NRXN3: variants seen among roughly 807,000 people sequenced by gnomAD.
NRXN3 encodes the protein neurexin III.
A neutral mutation model predicts 137.6 loss-of-function variants in NRXN3; 32 were observed. The ratio of observed to expected loss-of-function variants is 0.23; its 90% CI spans 0.18 to 0.31. The LOEUF (loss-of-function observed/expected upper bound fraction) is 0.31, where lower values mean the gene tolerates loss of function less well. Among genes scored for constraint, NRXN3 ranks in the 10% least tolerant of loss-of-function variants. The pLI, the probability that NRXN3 is intolerant of heterozygous loss-of-function variation, is 1.00. For missense variants in NRXN3, 1,574 were observed against 2,062.5 expected (o/e 0.76, Z 4.59); for synonymous variants, 798 against 784.5 (o/e 1.02, Z -0.29).
chr14:78,831,546 A>AC (rs1388094029), intron 10 of NRXN3, among the ~76,000 whole-genome samples: 1 of 150,744 alleles, frequency 6.6e-6, no homozygotes, highest in African/African-American at 2.4e-5. Context: ...AAAAAAAAAA[A>AC]AAAAAAAAAA....
intron 15 of NRXN3, among the ~76,000 whole-genome samples, chr14:79,271,833 C>A (rs1366358857): frequency 1.3e-5 from 2 of 152,100 alleles, no homozygotes; most frequent in African/African-American, 4.8e-5. Context: ...AAATCAAGTT[C>A]ATCATAATAG....
chr14:78,800,121 T>A (rs1008657425), intron 8 of NRXN3, among the ~76,000 whole-genome samples: 1 of 152,138 alleles, frequency 6.6e-6, no homozygotes, highest in African/African-American at 2.4e-5. Flanking sequence ...AGAACTTCCA[T>A]CATGAAGCAT....
At chr14:78,673,441 G>T (rs2097958618) in intron 6 of NRXN3, among the ~76,000 whole-genome samples, 1 of 152,194 alleles carries the variant, frequency 6.6e-6, no homozygotes, top group Non-Finnish European at 1.5e-5. Flanking sequence ...ACTGGCACTT[G>T]GAGGTTATAG....
intron 15 of NRXN3, among the ~76,000 whole-genome samples, chr14:79,344,580 A>T (rs1015820783): frequency 6.6e-6 from 1 of 152,202 alleles, no homozygotes; most frequent in African/African-American, 2.4e-5. Flanking sequence ...ATTTTATGCC[A>T]TGGTTATAGA....
intron 15 of NRXN3, among the ~76,000 whole-genome samples, chr14:79,098,718 G>A (rs980559673): frequency 1.3e-5 from 2 of 152,186 alleles, no homozygotes; most frequent in African/African-American, 4.8e-5. Context: ...GTGCCTGCAA[G>A]AGGAAACTCA....
intron 15 of NRXN3, among the ~76,000 whole-genome samples, chr14:79,223,001 T>C (rs1243369965): frequency 6.6e-6 from 1 of 152,164 alleles, no homozygotes; most frequent in Non-Finnish European, 1.5e-5. Context: ...ATCATGCTTT[T>C]AATTGTAGAA....
chr14:79,716,708 T>C (rs552370036), intron 19 of NRXN3, among the ~76,000 whole-genome samples: 14 of 152,222 alleles, frequency 9.2e-5, no homozygotes, highest in Non-Finnish European at 1.5e-4. Context: ...AATTCACAGA[T>C]GTCAATTTCT....
At chr14:79,674,788 ATG>A (rs971277570) in intron 17 of NRXN3, among the ~76,000 whole-genome samples, 5 of 152,120 alleles carry the variant, frequency 3.3e-5, no homozygotes, top group African/African-American at 1.2e-4. Flanking sequence ...GCCAGCCTCA[ATG>A]TTTAATTAAA....
At chr14:78,956,172 T>C (rs1393285005) in intron 10 of NRXN3, among the ~76,000 whole-genome samples, 2 of 152,212 alleles carry the variant, frequency 1.3e-5, no homozygotes, top group Non-Finnish European at 2.9e-5. Flanking sequence ...ATAGATTGAC[T>C]AATCCAAAAA....
At chr14:78,998,693 G>C (rs1479177194) in intron 15 of NRXN3, among the ~76,000 whole-genome samples, 1 of 150,898 alleles carries the variant, frequency 6.6e-6, no homozygotes, top group Non-Finnish European at 1.5e-5. Flanking sequence ...CCGCCTACCA[G>C]GTTCAAGCAA....
At chr14:79,321,257 T>C (rs943833856) in intron 15 of NRXN3, among the ~76,000 whole-genome samples, 3 of 152,136 alleles carry the variant, frequency 2.0e-5, no homozygotes, top group African/African-American at 7.2e-5. Context: ...ATGAGTTTGT[T>C]AGATTTCAAA....
intron 14 of NRXN3, among the ~76,000 whole-genome samples, chr14:78,971,738 C>T (rs1323310845): frequency 2.6e-5 from 4 of 152,058 alleles, no homozygotes; most frequent in African/African-American, 9.7e-5. Context: ...CAGCTTCAAG[C>T]GAATCTGCTG....
At chr14:79,802,154 T>C (rs1198289543) in intron 19 of NRXN3, among the ~76,000 whole-genome samples, 1 of 152,224 alleles carries the variant, frequency 6.6e-6, no homozygotes, top group Non-Finnish European at 1.5e-5. Context: ...TGGTTTCTAC[T>C]GAAGTTATGC....
intron 19 of NRXN3, among the ~76,000 whole-genome samples, chr14:79,705,550 T>C (rs1054235367): frequency 5.3e-5 from 8 of 151,356 alleles, no homozygotes; most frequent in African/African-American, 1.7e-4. Flanking sequence ...AAACAAAGTT[T>C]TAGCAAACCC....
intron 16 of NRXN3, among the ~76,000 whole-genome samples, chr14:79,600,277 A>G (rs1279296698): frequency 2.0e-5 from 3 of 152,142 alleles, no homozygotes; most frequent in Non-Finnish European, 4.4e-5. Context: ...TAGCTTTTAT[A>G]TATTTTTAAA....
At chr14:78,816,375 T>A (rs936124000) in intron 10 of NRXN3, among the ~76,000 whole-genome samples, 3 of 152,096 alleles carry the variant, frequency 2.0e-5, no homozygotes, top group Non-Finnish European at 2.9e-5. Context: ...CACGTTCTTC[T>A]CCTTTTCTTC....
chr14:78,998,413 G>T lies in NRXN3; in HGVS notation c.3262+10272G>T, dbSNP rs558012434. 2.6e-5 allele frequency among the ~76,000 whole-genome samples: 4 copies of T among 152,226 alleles called. No homozygotes were observed. In the East Asian group the frequency reaches 7.7e-4, roughly 29 times the overall value. Reference sequence around the variant, plus strand: ...TGGCAGTATGTAATATTCTACAACTGTTTTATTTATTCATTTATTTTAGGG... The same window carrying T: ...TGGCAGTATGTAATATTCTACAACTTTTTTATTTATTCATTTATTTTAGGG... On this transcript the variant is annotated intron_variant, in intron 15 of 20. Transcript: ENST00000335750.
chr14:79,263,040 T>A lies in NRXN3; in HGVS notation c.3263-204181T>A, dbSNP rs141959846. Among the ~76,000 whole-genome samples, 24 of 152,316 alleles carry A rather than the reference T, an allele frequency of 1.6e-4. No homozygotes were observed. The East Asian group carries it at 4.4e-3, about 28-fold the overall frequency. ...CCTGTTTGTTTGACCTCAGTCTTAATGATGAACTACCAGGAAAATGGAATT... is the reference window on the plus strand; with the variant it reads ...CCTGTTTGTTTGACCTCAGTCTTAAAGATGAACTACCAGGAAAATGGAATT... On this transcript the variant is annotated intron_variant, in intron 15 of 20. Coordinates refer to ENST00000335750, the MANE Select transcript of NRXN3 (RefSeq NM_001330195.2).
intron 1 of NRXN3, among the ~76,000 whole-genome samples, chr14:78,172,661 A>G (rs573646813): frequency 6.3e-4 from 96 of 152,242 alleles, no homozygotes; most frequent in Middle Eastern, 3.4e-3. Context: ...AAGGGGGGGA[A>G]AAGGCTGGAC....
Sources: allele counts gnomAD v4.1 joint callset (sites outside exome capture counted in the v4.1 genomes callset), GRCh38; gene constraint gnomAD v4.1.1; transcripts MANE v1.5; gene names NCBI Gene and HGNC (gene_info 2026-07-23, HGNC 2026-07-21).